The following ANXA8 variants were observed in gnomAD, a reference collection of about 807,000 sequenced individuals.
ANXA8 encodes VAC-beta.
In ANXA8, 9 loss-of-function variants were observed where a neutral mutation model predicts 26.8. The observed-to-expected ratio is 0.34, with a 90% CI of 0.20 to 0.59. ANXA8 has a LOEUF of 0.59. Among genes scored for constraint, ANXA8 ranks in the 20% least tolerant of loss-of-function variants. The probability of loss-of-function intolerance (pLI) is 0.84; values close to 1 mark genes in which losing one functional copy is unlikely to be tolerated. For missense variants in ANXA8, 83 were observed against 238.5 expected (o/e 0.35, Z 4.29); for synonymous variants, 39 against 94.8 (o/e 0.41, Z 3.42).
chr10:47,755,079 C>T, the ANXA8 span, among the ~76,000 whole-genome samples: 1 of 149,104 alleles, frequency 6.7e-6, no homozygotes, highest in African/African-American at 2.5e-5. Flanking sequence ...GCTTCAGCCT[C>T]CCGAGTAGTT....
chr10:47,982,352 G>A, the ANXA8 span, among the ~76,000 whole-genome samples: 14 of 151,332 alleles, frequency 9.3e-5, no homozygotes, highest in East Asian at 1.9e-4. Flanking sequence ...TACTACCAAC[G>A]TCTAGGAATC....
At chr10:47,958,876 G>A in the ANXA8 span, among the ~76,000 whole-genome samples, 6 of 149,912 alleles carry the variant, frequency 4.0e-5, no homozygotes, top group Non-Finnish European at 5.9e-5. Flanking sequence ...GGGGGAAACC[G>A]CCCCCATTAT....
chr10:47,525,531 C>T, the ANXA8 span, among the ~76,000 whole-genome samples: 9 of 134,780 alleles, frequency 6.7e-5, 1 homozygote, highest in South Asian at 2.4e-4. Flanking sequence ...CTCGACACAT[C>T]GGGATTATGG....
chr10:47,948,636 G>A, the ANXA8 span, among the ~76,000 whole-genome samples: 2 of 149,564 alleles, frequency 1.3e-5, no homozygotes, highest in East Asian at 2.1e-4. Context: ...CAAGTATATG[G>A]ATCACATACT....
At chr10:47,951,565 T>G in the ANXA8 span, among the ~76,000 whole-genome samples, 1 of 150,686 alleles carries the variant, frequency 6.6e-6, no homozygotes, top group African/African-American at 2.5e-5. Context: ...ATCCCAGCAC[T>G]TTGAGAGGCT....
the ANXA8 span, among the ~76,000 whole-genome samples, chr10:47,959,434 A>ATTG: frequency 1.1e-4 from 17 of 149,546 alleles, 4 homozygotes; most frequent in African/African-American, 3.3e-4. Context: ...CATTGGCCAG[A>ATTG]GTGTGTCACA....
chr10:47,936,731 G>A, the ANXA8 span, among the ~76,000 whole-genome samples: 4 of 148,462 alleles, frequency 2.7e-5, no homozygotes, highest in Admixed American at 2.7e-4. Flanking sequence ...GCCAGGGGCT[G>A]TGCTTCCTTG....
At chr10:47,499,780 TGA>T in the ANXA8 span, among the ~76,000 whole-genome samples, 1 of 105,510 alleles carries the variant, frequency 9.5e-6, no homozygotes, top group Non-Finnish European at 1.9e-5. Flanking sequence ...TATCTGTTTT[TGA>T]GAGAGGGTCT....
chr10:47,693,331 C>T, the ANXA8 span, among the ~76,000 whole-genome samples: 2 of 150,436 alleles, frequency 1.3e-5, no homozygotes, highest in Non-Finnish European at 3.0e-5. Flanking sequence ...GCTCTGGCAC[C>T]CAGGCTAGAG....
the ANXA8 span, chr10:47,599,904 C>T: frequency 1.3e-5 from 2 of 150,272 alleles, no homozygotes; most frequent in Non-Finnish European, 2.9e-5. Context: ...CCTGCGGGGC[C>T]TTGGCCACGC....
chr10:47,698,179 G>T, the ANXA8 span, among the ~76,000 whole-genome samples: 1 of 149,678 alleles, frequency 6.7e-6, no homozygotes, highest in Non-Finnish European at 1.5e-5. Context: ...GGGGAAAAGG[G>T]CTATGTTTCA....
At chr10:47,469,351 C>T (rs1312584341) in intron 11 of ANXA8, among the ~76,000 whole-genome samples, 3,872 of 137,130 alleles carry the variant, frequency 0.028, no homozygotes, top group African/African-American at 0.13. Flanking sequence ...GGAGCCTGGA[C>T]CATCGCACCC....
chr10:47,652,468 A>T, the ANXA8 span, among the ~76,000 whole-genome samples: 2 of 151,230 alleles, frequency 1.3e-5, no homozygotes, highest in Admixed American at 6.6e-5. Context: ...GTGTTGGTAC[A>T]TGCCTGTCAT....
chr10:47,664,591 T>C, the ANXA8 span, among the ~76,000 whole-genome samples: 1 of 151,196 alleles, frequency 6.6e-6, no homozygotes, highest in African/African-American at 2.4e-5. Context: ...ATAATAATAA[T>C]AATTCTCAGT....
the ANXA8 span, among the ~76,000 whole-genome samples, chr10:47,572,767 G>A: frequency 6.7e-6 from 1 of 148,502 alleles, no homozygotes; most frequent in Non-Finnish European, 1.5e-5. Flanking sequence ...TTATTCAGGA[G>A]CTACTTGTAA....
chr10:47,663,447 A>G, the ANXA8 span, among the ~76,000 whole-genome samples: 5 of 138,964 alleles, frequency 3.6e-5, no homozygotes, highest in Non-Finnish European at 7.5e-5. Flanking sequence ...GTGCAATGAC[A>G]TCATCATGGC....
the ANXA8 span, among the ~76,000 whole-genome samples, chr10:47,649,579 T>C: frequency 6.6e-6 from 1 of 151,434 alleles, no homozygotes; most frequent in South Asian, 2.1e-4. Flanking sequence ...CGGCTAATTT[T>C]TGTATTATTA....
At chr10:47,502,437 T>C in the ANXA8 span, 25 of 1,611,848 alleles carry the variant, frequency 1.6e-5, no homozygotes, top group Non-Finnish European at 2.0e-5. Flanking sequence ...GGATCCACCA[T>C]TCCTTCTCTT....
the ANXA8 span, among the ~76,000 whole-genome samples, chr10:47,646,827 C>T: frequency 6.6e-6 from 1 of 152,032 alleles, no homozygotes; most frequent in African/African-American, 2.4e-5. Flanking sequence ...AACTCATTCT[C>T]TTCAGAAATA....
Sources: allele counts gnomAD v4.1 joint callset (sites outside exome capture counted in the v4.1 genomes callset), GRCh38; gene constraint gnomAD v4.1.1; transcripts MANE v1.5; gene names NCBI Gene and HGNC (gene_info 2026-07-23, HGNC 2026-07-21).